The following AGBL1 variants were observed in gnomAD, a reference collection of about 807,000 sequenced individuals.
The protein encoded by AGBL1 is AGBL carboxypeptidase 1, also known as cytosolic carboxypeptidase 4.
A neutral mutation model predicts 118.9 loss-of-function variants in AGBL1; 130 were observed. That is an observed-to-expected ratio of 1.09 (90% CI 0.95 to 1.26). The LOEUF (loss-of-function observed/expected upper bound fraction) is 1.26, where lower values mean the gene tolerates loss of function less well. Among genes scored for constraint, AGBL1 ranks in the 50% most tolerant of loss-of-function variants. The pLI, the probability that AGBL1 is intolerant of heterozygous loss-of-function variation, is 0.00. For missense variants in AGBL1, 1,584 were observed against 1,298.1 expected, an observed-to-expected ratio of 1.22 and a Z score of -3.38; for synonymous variants, 555 against 478.9, an observed-to-expected ratio of 1.16 and a Z score of -2.08.
intron 18 of AGBL1, among the ~76,000 whole-genome samples, chr15:86,509,643 A>C (rs2083028425): frequency 6.6e-6 from 1 of 150,770 alleles, no homozygotes; most frequent in African/African-American, 2.4e-5. Context: ...GGAGATAATA[A>C]ATCTTAGACA....
chr15:86,481,656 C>G (rs2082652943), intron 18 of AGBL1, among the ~76,000 whole-genome samples: 1 of 152,130 alleles, frequency 6.6e-6, no homozygotes. Context: ...TGTTGCCAAT[C>G]TTTTCCTATA....
At chr15:86,562,388 C>T in intron 21 of AGBL1, among the ~76,000 whole-genome samples, 1 of 152,202 alleles carries the variant, frequency 6.6e-6, no homozygotes, top group Non-Finnish European at 1.5e-5. Context: ...TTTTCTGCAT[C>T]TATTGAGATA....
intron 1 of AGBL1, among the ~76,000 whole-genome samples, chr15:86,141,149 A>C (rs935578665): frequency 1.3e-5 from 2 of 152,192 alleles, no homozygotes; most frequent in African/African-American, 4.8e-5. Flanking sequence ...GAGACTCAGC[A>C]AGTCCACACT....
chr15:86,903,933 G>A (rs28785491), intron 22 of AGBL1, among the ~76,000 whole-genome samples: 7,455 of 150,352 alleles, frequency 0.05, 190 homozygotes, highest in African/African-American at 0.054. Context: ...TGAAGGGGAG[G>A]AAGCCACATT....
At chr15:86,585,485 C>T (rs1205607717) in intron 21 of AGBL1, among the ~76,000 whole-genome samples, 1 of 152,040 alleles carries the variant, frequency 6.6e-6, no homozygotes, top group African/African-American at 2.4e-5. Flanking sequence ...GCTTGAACTC[C>T]CGAGTGGCTG....
intron 19 of AGBL1, among the ~76,000 whole-genome samples, chr15:86,535,279 G>A (rs1374833639): frequency 2.0e-5 from 3 of 152,218 alleles, no homozygotes; most frequent in African/African-American, 4.8e-5. Flanking sequence ...GCTAGCAGAA[G>A]GCATTGAACC....
At chr15:86,971,267 A>G (rs555752663) in intron 23 of AGBL1, among the ~76,000 whole-genome samples, 21 of 152,166 alleles carry the variant, frequency 1.4e-4, no homozygotes, top group African/African-American at 4.1e-4. Context: ...GGAATCTTCA[A>G]ACCTGAGAGA....
intron 17 of AGBL1, among the ~76,000 whole-genome samples, chr15:86,360,248 A>G (rs1469516458): frequency 2.0e-5 from 3 of 151,024 alleles, no homozygotes; most frequent in Non-Finnish European, 4.4e-5. Flanking sequence ...GAGAGTTTCA[A>G]TCATGAATGG....
At chr15:86,376,245 T>C (rs1184913903) in intron 17 of AGBL1, among the ~76,000 whole-genome samples, 1 of 152,184 alleles carries the variant, frequency 6.6e-6, no homozygotes, top group Non-Finnish European at 1.5e-5. Flanking sequence ...GTTAGGGATA[T>C]ATTTTTACCC....
intron 21 of AGBL1, among the ~76,000 whole-genome samples, chr15:86,636,620 ATTAT>A (rs1443675504): frequency 2.8e-5 from 4 of 143,972 alleles, no homozygotes; most frequent in Admixed American, 7.1e-5. Flanking sequence ...CTGTAAGGAG[ATTAT>A]TAGATTACTG....
chr15:86,721,474 A>G (rs2142721938), intron 22 of AGBL1, among the ~76,000 whole-genome samples: 1 of 152,346 alleles, frequency 6.6e-6, no homozygotes, highest in South Asian at 2.1e-4. Context: ...AACTCTCAAT[A>G]AATTAGGTAT....
intron 22 of AGBL1, among the ~76,000 whole-genome samples, chr15:86,849,673 T>G (rs1487729027): frequency 6.6e-6 from 1 of 152,194 alleles, no homozygotes; most frequent in Non-Finnish European, 1.5e-5. Context: ...TCTGGCCAGT[T>G]TCTTTCACAG....
chr15:86,926,683 T>G (rs2080544438), intron 23 of AGBL1, among the ~76,000 whole-genome samples: 1 of 152,218 alleles, frequency 6.6e-6, no homozygotes, highest in Non-Finnish European at 1.5e-5. Flanking sequence ...ACATGTAGAA[T>G]AATTTTACAA....
At chr15:86,243,573 G>A (rs1239056957) in intron 6 of AGBL1, among the ~76,000 whole-genome samples, 2 of 152,206 alleles carry the variant, frequency 1.3e-5, no homozygotes, top group South Asian at 2.1e-4. Flanking sequence ...GAGGCTGGCA[G>A]CAAGGGCCTG....
chr15:86,087,143 T>C (rs1895712125), intron 1 of AGBL1, among the ~76,000 whole-genome samples: 1 of 152,204 alleles, frequency 6.6e-6, no homozygotes, highest in Admixed American at 6.5e-5. Context: ...TAACACATAT[T>C]TGTTAGTTGA....
intron 17 of AGBL1, among the ~76,000 whole-genome samples, chr15:86,331,491 C>T (rs59944770): frequency 0.043 from 6,613 of 152,076 alleles, 503 homozygotes; most frequent in African/African-American, 0.15. Context: ...ATCACCAAGG[C>T]GTATAATCAC....
chr15:86,100,389 T>C (rs909121758), intron 1 of AGBL1, among the ~76,000 whole-genome samples: 9 of 152,168 alleles, frequency 5.9e-5, no homozygotes, highest in African/African-American at 2.2e-4. Context: ...TTTGGAATAG[T>C]TTGAGAAGAA....
In AGBL1 at chr15:86,337,189, T is replaced by C. The variant is rs182172893; in HGVS notation, c.2374+41781T>C. 2.0e-5 allele frequency among the ~76,000 whole-genome samples: 3 copies of C among 152,366 alleles called. No homozygotes were observed. In the East Asian group the frequency reaches 5.8e-4, roughly 29 times the overall value. On this transcript the variant is annotated intron_variant, in intron 17 of 22. Coordinates refer to ENST00000614907, the MANE Select transcript of AGBL1 (RefSeq NM_001386094.1). ...CAGAATTACACTAGTACACTTTTTGTAAACTGAGTTGCTATTTGATTCTCA... is the reference window on the plus strand; with the variant it reads ...CAGAATTACACTAGTACACTTTTTGCAAACTGAGTTGCTATTTGATTCTCA...
intron 5 of AGBL1, among the ~76,000 whole-genome samples, chr15:86,167,387 A>T (rs1032894860): frequency 6.6e-6 from 1 of 151,996 alleles, no homozygotes; most frequent in Non-Finnish European, 1.5e-5. Context: ...CTGGGATTAC[A>T]GGTGCCCACC....
Sources: gnomAD v4.1 joint callset for allele counts (sites outside exome capture counted in the v4.1 genomes callset) on GRCh38, gnomAD v4.1.1 for gene constraint, MANE v1.5 for transcripts, NCBI Gene and HGNC (gene_info 2026-07-23, HGNC 2026-07-21) for gene names.